DCAF8L2: variants seen among roughly 807,000 people sequenced by gnomAD.
DCAF8L2 encodes DDB1- and CUL4-associated factor 8-like protein 2.
For missense variants in DCAF8L2, 430 were observed against 490.7 expected, an observed-to-expected ratio of 0.88 and a Z score of 1.17; for synonymous variants, 200 against 190.9, an observed-to-expected ratio of 1.05 and a Z score of -0.39.
intron 1 of DCAF8L2, among the ~76,000 whole-genome samples, chrX:27,604,106 A>G (rs1926770162): frequency 9.0e-6 from 1 of 111,356 alleles, no homozygotes; most frequent in Non-Finnish European, 1.9e-5. Context: ...AACAAGCAAC[A>G]TAACAGCCTT....
At chrX:27,471,771 A>G in the DCAF8L2 span, among the ~76,000 whole-genome samples, 1 of 111,672 alleles carries the variant, frequency 9.0e-6, no homozygotes, top group Non-Finnish European at 1.9e-5. Context: ...CAAAAAAGAC[A>G]AAGATAGGTC....
At chrX:27,727,580 A>T (rs1309781716) in intron 4 of DCAF8L2, among the ~76,000 whole-genome samples, 1 of 111,326 alleles carries the variant, frequency 9.0e-6, no homozygotes, top group Non-Finnish European at 1.9e-5. Flanking sequence ...AAATTCTTCA[A>T]CTTTTTTTCT....
intron 2 of DCAF8L2, among the ~76,000 whole-genome samples, chrX:27,656,479 A>C (rs1383876905): frequency 1.8e-5 from 2 of 111,540 alleles, no homozygotes; most frequent in African/African-American, 6.5e-5. Flanking sequence ...TGTATCTGTC[A>C]ATTTTTGCTG....
chrX:27,603,780 G>A (rs933311296), intron 1 of DCAF8L2, among the ~76,000 whole-genome samples: 1 of 111,498 alleles, frequency 9.0e-6, no homozygotes, highest in Non-Finnish European at 1.9e-5. Flanking sequence ...TATCAGTTGG[G>A]GACTTGGAAG....
the DCAF8L2 span, among the ~76,000 whole-genome samples, chrX:27,517,497 G>GA: frequency 0.012 from 1,008 of 81,505 alleles, 7 homozygotes; most frequent in African/African-American, 0.032. Flanking sequence ...ACCTTCAACA[G>GA]AAAAAAAAAA....
intron 3 of DCAF8L2, among the ~76,000 whole-genome samples, chrX:27,687,002 G>A (rs1013092171): frequency 8.9e-6 from 1 of 111,995 alleles, no homozygotes; most frequent in East Asian, 2.8e-4. Flanking sequence ...AGCTCAGGCA[G>A]TAATGCTCCC....
intron 1 of DCAF8L2, among the ~76,000 whole-genome samples, chrX:27,605,058 T>C (rs1012565441): frequency 9.0e-6 from 1 of 111,689 alleles, no homozygotes; most frequent in Admixed American, 9.6e-5. Context: ...AGATACACAT[T>C]GGTTCAAGTG....
the DCAF8L2 span, among the ~76,000 whole-genome samples, chrX:27,487,247 T>C: frequency 9.9e-6 from 1 of 100,703 alleles, no homozygotes; most frequent in East Asian, 3.2e-4. Flanking sequence ...TCTTCTCAAT[T>C]TCTATGTCTG....
At chrX:27,742,304 C>T (rs1020171002) in intron 4 of DCAF8L2, among the ~76,000 whole-genome samples, 4 of 111,585 alleles carry the variant, frequency 3.6e-5, no homozygotes, top group African/African-American at 1.3e-4. Flanking sequence ...CATGGTGGCT[C>T]ACACCTATAA....
upstream of DCAF8L2, among the ~76,000 whole-genome samples, chrX:27,587,975 T>TAAAAA (rs531576238): frequency 1.6e-3 from 40 of 25,483 alleles, no homozygotes; most frequent in African/African-American, 3.6e-3. Flanking sequence ...GTACTTCCAT[T>TAAAAA]AAAAAAAAAA....
the DCAF8L2 span, among the ~76,000 whole-genome samples, chrX:27,521,377 C>A: frequency 8.9e-6 from 1 of 112,333 alleles, no homozygotes; most frequent in Non-Finnish European, 1.9e-5. Context: ...TGCCATACAT[C>A]TTTAGAAACA....
chrX:27,517,069 A>G, the DCAF8L2 span, among the ~76,000 whole-genome samples: 1 of 111,924 alleles, frequency 8.9e-6, no homozygotes, highest in African/African-American at 3.3e-5. Context: ...TAATACACCA[A>G]TCAATGTAGC....
intron 4 of DCAF8L2, among the ~76,000 whole-genome samples, chrX:27,717,381 C>G (rs1401263803): frequency 8.9e-6 from 1 of 112,391 alleles, no homozygotes; most frequent in African/African-American, 3.2e-5. Context: ...GCTCCACAAC[C>G]TCACCAGCAT....
At chrX:27,527,441 G>A in the DCAF8L2 span, among the ~76,000 whole-genome samples, 2 of 111,342 alleles carry the variant, frequency 1.8e-5, no homozygotes, top group African/African-American at 6.5e-5. Context: ...CTTTGGCTAG[G>A]AAAGGGAATT....
chrX:27,591,014 T>TATATATATATAA (rs201564902), intron 1 of DCAF8L2, among the ~76,000 whole-genome samples: 30 of 96,785 alleles, frequency 3.1e-4, no homozygotes, highest in African/African-American at 1.0e-3. Context: ...TATATATATA[T>TATATATATATAA]AAATAAATAA....
At chrX:27,478,644 T>C in the DCAF8L2 span, among the ~76,000 whole-genome samples, 2 of 112,112 alleles carry the variant, frequency 1.8e-5, no homozygotes, top group African/African-American at 3.2e-5. Context: ...AATCCCCTCT[T>C]TTTAAATGTA....
At chrX:27,588,370 C>T (rs112434832), upstream of DCAF8L2, among the ~76,000 whole-genome samples, 3,641 of 110,569 alleles carry the variant, frequency 0.033, 135 homozygotes, top group African/African-American at 0.11. Flanking sequence ...ATGGTGTGTA[C>T]GTACCACTTT....
chrX:27,471,567 T>G, the DCAF8L2 span, among the ~76,000 whole-genome samples: 1 of 111,226 alleles, frequency 9.0e-6, no homozygotes, highest in East Asian at 2.8e-4. Context: ...ATCTCCTTCC[T>G]CATGGTTCAC....
At chrX:27,725,738 T>C (rs1004731083) in intron 4 of DCAF8L2, among the ~76,000 whole-genome samples, 8 of 109,848 alleles carry the variant, frequency 7.3e-5, no homozygotes, top group African/African-American at 2.6e-4. Context: ...TATAAATAAA[T>C]AATATTTGAA....
Sources: gnomAD v4.1 joint callset for allele counts (sites outside exome capture counted in the v4.1 genomes callset) on GRCh38, gnomAD v4.1.1 for gene constraint, MANE v1.5 for transcripts, NCBI Gene and HGNC (gene_info 2026-07-23, HGNC 2026-07-21) for gene names.